ANXA3: variants seen among roughly 807,000 people sequenced by gnomAD.
The protein encoded by ANXA3 is 35-alpha calcimedin.
ANXA3 carries 46 observed loss-of-function variants against 48.8 expected under a neutral mutation model. That is an observed-to-expected ratio of 0.94 (90% CI 0.74 to 1.21). The LOEUF (loss-of-function observed/expected upper bound fraction) is 1.21, where lower values mean the gene tolerates loss of function less well. Ranked by LOEUF, ANXA3 falls within the 50% of genes most tolerant of loss-of-function variation. The probability of loss-of-function intolerance (pLI) is 0.00; values close to 1 mark genes in which losing one functional copy is unlikely to be tolerated. For synonymous variants in ANXA3, 128 were observed against 134.7 expected (o/e 0.95, Z 0.35); for missense variants, 383 against 378.6 (o/e 1.01, Z -0.10).
At chr4:78,553,363 C>T (rs1722440345) in intron 1 of ANXA3, among the ~76,000 whole-genome samples, 1 of 152,090 alleles carries the variant, frequency 6.6e-6, no homozygotes, top group Admixed American at 6.5e-5. Context: ...ATCTACCGTG[C>T]ACCAGTGCAC....
At chr4:78,572,629 C>T (rs959966988) in intron 2 of ANXA3, among the ~76,000 whole-genome samples, 20 of 152,064 alleles carry the variant, frequency 1.3e-4, no homozygotes, top group Non-Finnish European at 2.5e-4. Context: ...AAAGGAGTTG[C>T]TGGTCTGGGT....
intron 7 of ANXA3, among the ~76,000 whole-genome samples, chr4:78,593,886 G>A (rs891780770): frequency 6.8e-6 from 1 of 148,084 alleles, no homozygotes; most frequent in East Asian, 2.0e-4. Flanking sequence ...ATTATAATTG[G>A]TGAATGAATA....
chr4:78,604,666 G>T (rs1723611340), intron 12 of ANXA3, among the ~76,000 whole-genome samples: 1 of 152,026 alleles, frequency 6.6e-6, no homozygotes, highest in Admixed American at 6.5e-5. Flanking sequence ...TATGCAAGTT[G>T]TTTACCTGTT....
intron 11 of ANXA3, 171 bp from the exon 12 acceptor site, chr4:78,604,106 G>C (rs1391256241): frequency 1.8e-6 from 1 of 565,132 alleles, no homozygotes; most frequent in African/African-American, 1.9e-5. Flanking sequence ...CACAGAGTAG[G>C]TGCTCAACAA....
At chr4:78,579,155 G>A in intron 4 of ANXA3, 34 bp downstream of exon 4, 1 of 1,447,910 alleles carries the variant, frequency 6.9e-7, no homozygotes, top group Non-Finnish European at 9.7e-7. Flanking sequence ...GCAGTAAAGA[G>A]ATCATTAATG....
chr4:78,583,811 A>G (rs1197559726), intron 5 of ANXA3, among the ~76,000 whole-genome samples: 2 of 152,228 alleles, frequency 1.3e-5, no homozygotes, highest in Admixed American at 1.3e-4. Flanking sequence ...AGGCGTTTCA[A>G]CTGATTGGAT....
chr4:78,592,988 T>TA (rs1723331405), intron 7 of ANXA3, among the ~76,000 whole-genome samples: 1 of 152,212 alleles, frequency 6.6e-6, no homozygotes, highest in African/African-American at 2.4e-5. Context: ...AAATTCATTT[T>TA]AAACTATTGT....
intron 6 of ANXA3, 67 bp from the exon 7 acceptor site, chr4:78,591,477 T>A (rs1056618076): frequency 3.6e-6 from 4 of 1,120,770 alleles, no homozygotes; most frequent in African/African-American, 1.6e-5. Context: ...GCATTTAAAC[T>A]TTTCTCTGTT....
intron 1 of ANXA3, among the ~76,000 whole-genome samples, chr4:78,553,339 T>A (rs1202845999): frequency 6.7e-6 from 1 of 150,110 alleles, no homozygotes; most frequent in Non-Finnish European, 1.5e-5. Flanking sequence ...AATCAATAAG[T>A]TTTTTTTTTA....
At chr4:78,609,131 A>G (rs1403850217) in intron 12 of ANXA3, among the ~76,000 whole-genome samples, 2 of 152,154 alleles carry the variant, frequency 1.3e-5, no homozygotes, top group African/African-American at 4.8e-5. Flanking sequence ...ATAAAGGCCT[A>G]TTGTGTCTTA....
intron 1 of ANXA3, among the ~76,000 whole-genome samples, chr4:78,553,668 G>C (rs1560438142): frequency 6.6e-6 from 1 of 152,108 alleles, no homozygotes; most frequent in Non-Finnish European, 1.5e-5. Context: ...AGGCTACAGA[G>C]AGCCTGAAAA....
intron 12 of ANXA3, among the ~76,000 whole-genome samples, chr4:78,607,875 A>G (rs1723683774): frequency 6.6e-6 from 1 of 152,162 alleles, no homozygotes; most frequent in Non-Finnish European, 1.5e-5. Context: ...TTTACCTTTA[A>G]GACCCCAGAT....
intron 12 of ANXA3, among the ~76,000 whole-genome samples, chr4:78,608,765 A>T (rs1560453646): frequency 6.6e-6 from 1 of 151,012 alleles, no homozygotes; most frequent in Non-Finnish European, 1.5e-5. Flanking sequence ...GAGTGGGGGG[A>T]GGTTTATGAG....
chr4:78,567,783 C>T (rs1473258460), intron 2 of ANXA3, among the ~76,000 whole-genome samples: 1 of 152,176 alleles, frequency 6.6e-6, no homozygotes, highest in Non-Finnish European at 1.5e-5. Context: ...CCTTTGTTCT[C>T]CCTGGTAGTC....
chr4:78,580,866 A>G (rs73828034), intron 4 of ANXA3, among the ~76,000 whole-genome samples: 315 of 152,364 alleles, frequency 2.1e-3, no homozygotes, highest in African/African-American at 7.3e-3. Flanking sequence ...CATTTGTTGA[A>G]TTGAGTGAAT....
At chr4:78,588,657 G>A (rs937518624) in intron 6 of ANXA3, among the ~76,000 whole-genome samples, 1 of 152,070 alleles carries the variant, frequency 6.6e-6, no homozygotes, top group African/African-American at 2.4e-5. Context: ...TACCTACACG[G>A]GGGTCAAAGT....
intron 12 of ANXA3, among the ~76,000 whole-genome samples, chr4:78,604,779 G>T (rs909733712): frequency 2.4e-4 from 36 of 152,122 alleles, no homozygotes; most frequent in Non-Finnish European, 4.6e-4. Context: ...AGACAGCATG[G>T]TTCTGCAGCT....
At chr4:78,563,549 C>G (rs1045429397) in intron 2 of ANXA3, among the ~76,000 whole-genome samples, 2 of 152,192 alleles carry the variant, frequency 1.3e-5, no homozygotes, top group Admixed American at 6.5e-5. Flanking sequence ...TGTGAGAACA[C>G]AGCCAGAAGG....
intron 3 of ANXA3, among the ~76,000 whole-genome samples, chr4:78,576,631 T>A (rs144579916): frequency 1.4e-4 from 21 of 152,324 alleles, no homozygotes; most frequent in African/African-American, 4.3e-4. Flanking sequence ...TTGAATAGAC[T>A]GTTTCATGAG....
Sources: allele counts gnomAD v4.1 joint callset (sites outside exome capture counted in the v4.1 genomes callset), GRCh38; gene constraint gnomAD v4.1.1; transcripts MANE v1.5; gene names NCBI Gene and HGNC (gene_info 2026-07-23, HGNC 2026-07-21).